The following MAP3K5 variants were observed in gnomAD, a reference collection of about 807,000 sequenced individuals.
MAP3K5 encodes mitogen-activated protein kinase kinase kinase 5.
Under a neutral mutation model 158.7 loss-of-function variants are expected in MAP3K5, and 56 were observed. The observed-to-expected ratio is 0.35, with a 90% CI of 0.28 to 0.44. MAP3K5 has a LOEUF of 0.44. MAP3K5 is among the 20% of genes least tolerant of loss of function. MAP3K5 has a pLI of 1.00. For missense variants in MAP3K5, 1,294 were observed against 1,674.8 expected (o/e 0.77, Z 3.97); for synonymous variants, 579 against 601.7 (o/e 0.96, Z 0.55).
chr6:136,626,639 G>A (rs1777050731), intron 14 of MAP3K5, among the ~76,000 whole-genome samples: 1 of 152,146 alleles, frequency 6.6e-6, no homozygotes, highest in Non-Finnish European at 1.5e-5. Flanking sequence ...CTGCCACGCT[G>A]GAATTCCACC....
intron 5 of MAP3K5, among the ~76,000 whole-genome samples, chr6:136,696,439 T>C (rs535855307): frequency 6.6e-6 from 1 of 152,184 alleles, no homozygotes; most frequent in African/African-American, 2.4e-5. Context: ...CATGAGGCAA[T>C]GGGTTGAACT....
Position 136,705,146 on chromosome 6 carries a change from A to G in MAP3K5, c.589-13T>C. Reference sequence around the variant, plus strand: ...GGCAAATTATTTCCTGAAAAACAAGAAAAAAAATATACCACAAGTTAATAC... The same window carrying G: ...GGCAAATTATTTCCTGAAAAACAAGGAAAAAAATATACCACAAGTTAATAC... On this transcript the variant is annotated splice_polypyrimidine_tract_variant and intron_variant, in intron 2 of 29. Transcript: ENST00000359015. 1 of 1,136,858 alleles carries G rather than the reference A, an allele frequency of 8.8e-7. No homozygotes were observed. Among genetic ancestry groups the G allele is most frequent in the Non-Finnish European group, 1.3e-6 (1 of 797,840 alleles). 70.4% of individuals were successfully genotyped at this position (1,136,858 alleles called of 1,614,324 possible). A position where few individuals can be genotyped will look rare whatever the true frequency, so the allele number is the denominator to read the frequency against.
chr6:136,652,550 T>C (rs1778565610), intron 10 of MAP3K5, among the ~76,000 whole-genome samples: 1 of 152,162 alleles, frequency 6.6e-6, no homozygotes, highest in Admixed American at 6.6e-5. Flanking sequence ...AGTATCGCAA[T>C]GTATATGAAA....
intron 11 of MAP3K5, among the ~76,000 whole-genome samples, chr6:136,650,624 G>C (rs948272002): frequency 6.6e-6 from 1 of 152,120 alleles, no homozygotes; most frequent in Non-Finnish European, 1.5e-5. Context: ...ATTCTGACAG[G>C]CTTCCTAAAA....
At chr6:136,783,095 G>A (rs1784685215) in intron 1 of MAP3K5, among the ~76,000 whole-genome samples, 1 of 152,154 alleles carries the variant, frequency 6.6e-6, no homozygotes, top group Non-Finnish European at 1.5e-5. Flanking sequence ...CTTGAGTCCA[G>A]GAGTTTGAGA....
At chr6:136,593,146 C>T (rs1217496655) in intron 21 of MAP3K5, among the ~76,000 whole-genome samples, 3 of 152,142 alleles carry the variant, frequency 2.0e-5, no homozygotes, top group Non-Finnish European at 4.4e-5. Flanking sequence ...TATCACAGTT[C>T]TGCTTAAGGA....
chr6:136,700,874 T>C (rs1383641807), intron 3 of MAP3K5, among the ~76,000 whole-genome samples: 1 of 152,138 alleles, frequency 6.6e-6, no homozygotes, highest in Non-Finnish European at 1.5e-5. Flanking sequence ...ACTACTGCCG[T>C]TATGGGGAAC....
chr6:136,569,547 C>T (rs1487064774), intron 25 of MAP3K5, among the ~76,000 whole-genome samples: 1 of 152,178 alleles, frequency 6.6e-6, no homozygotes, highest in Non-Finnish European at 1.5e-5. Context: ...TGACCTGGGA[C>T]CCCAACCACT....
At chr6:136,656,142 T>C (rs1778734842) in intron 10 of MAP3K5, 165 bp downstream of exon 10, 2 of 586,904 alleles carry the variant, frequency 3.4e-6, no homozygotes, top group South Asian at 2.1e-5. Context: ...AGAAGTTATT[T>C]TTAAAAGTAA....
intron 15 of MAP3K5, among the ~76,000 whole-genome samples, chr6:136,618,856 G>A (rs79500942): frequency 0.011 from 1,617 of 152,266 alleles, 26 homozygotes; most frequent in East Asian, 0.08. Flanking sequence ...CTACACATGC[G>A]GCAGGCAGCA....
upstream of MAP3K5, chr6:136,792,541 CCGCCG>C (rs5880308): frequency 0.58 from 95,345 of 165,144 alleles, 29,633 homozygotes; most frequent in Admixed American, 0.68. The surrounding 1 kb of genome is among the most constrained non-coding windows in gnomAD (Gnocchi z 5.7). Flanking sequence ...CCCTCGCCAC[CCGCCG>C]CGCCGCGCCG....
intron 15 of MAP3K5, among the ~76,000 whole-genome samples, chr6:136,618,564 G>C (rs981405292): frequency 6.6e-6 from 1 of 152,236 alleles, no homozygotes; most frequent in Admixed American, 6.5e-5. Flanking sequence ...GTAGAGAAGA[G>C]AGGAGCTGTG....
At chr6:136,748,069 A>T (rs1783039934) in intron 1 of MAP3K5, among the ~76,000 whole-genome samples, 1 of 152,220 alleles carries the variant, frequency 6.6e-6, no homozygotes, top group African/African-American at 2.4e-5. Flanking sequence ...TTCTGCCCCA[A>T]AGTGAGAAAT....
At chr6:136,662,296 A>G (rs1423571159) in intron 8 of MAP3K5, among the ~76,000 whole-genome samples, 2 of 152,210 alleles carry the variant, frequency 1.3e-5, no homozygotes, top group Non-Finnish European at 2.9e-5. Context: ...ACGTGCATTC[A>G]TCTTTACCAA....
At chr6:136,709,716 C>T (rs1781228810) in intron 2 of MAP3K5, among the ~76,000 whole-genome samples, 1 of 152,192 alleles carries the variant, frequency 6.6e-6, no homozygotes, top group Non-Finnish European at 1.5e-5. Flanking sequence ...TCAGATTATG[C>T]ATACCTTATA....
chr6:136,735,813 AG>A (rs1426957532), intron 1 of MAP3K5, among the ~76,000 whole-genome samples: 1 of 152,172 alleles, frequency 6.6e-6, no homozygotes, highest in African/African-American at 2.4e-5. Context: ...CGGGTGACAG[AG>A]CACGAACCTA....
At chr6:136,563,527 G>A (rs1056990510) in intron 26 of MAP3K5, among the ~76,000 whole-genome samples, 5 of 152,080 alleles carry the variant, frequency 3.3e-5, no homozygotes, top group East Asian at 3.9e-4. Flanking sequence ...CTAAGGGGGC[G>A]GGGGTGAAGT....
intron 27 of MAP3K5, among the ~76,000 whole-genome samples, chr6:136,561,857 T>G (rs1233257330): frequency 6.6e-6 from 1 of 152,212 alleles, no homozygotes; most frequent in Non-Finnish European, 1.5e-5. Flanking sequence ...AAAGCAATAA[T>G]GAAATGACAC....
intron 18 of MAP3K5, among the ~76,000 whole-genome samples, chr6:136,608,273 A>C (rs115615357): frequency 0.012 from 1,861 of 152,192 alleles, 42 homozygotes; most frequent in African/African-American, 0.042. Context: ...CTCTGAACAA[A>C]AAAAAAAAGC....
Sources: allele counts gnomAD v4.1 joint callset (sites outside exome capture counted in the v4.1 genomes callset), GRCh38; gene constraint gnomAD v4.1.1; non-coding constraint Gnocchi (gnomAD v3.1); transcripts MANE v1.5; gene names NCBI Gene and HGNC (gene_info 2026-07-23, HGNC 2026-07-21).